Variants in SASH1 observed in about 807,000 individuals in gnomAD.
SASH1 encodes the protein SAM and SH3 domain containing 1.
A neutral mutation model predicts 125.2 loss-of-function variants in SASH1; 44 were observed. That is an observed-to-expected ratio of 0.35 (90% confidence interval 0.28 to 0.45). The LOEUF is 0.45. SASH1 is among the 20% of genes least tolerant of loss of function. The probability of loss-of-function intolerance (pLI) is 1.00; values close to 1 mark genes in which losing one functional copy is unlikely to be tolerated. For synonymous variants in SASH1, 639 were observed against 649.1 expected (o/e 0.98, Z 0.24); for missense variants, 1,426 against 1,614.5 (o/e 0.88, Z 2.00).
chr6:148,249,302 C>T, the SASH1 span, among the ~76,000 whole-genome samples: 1 of 152,084 alleles, frequency 6.6e-6, no homozygotes, highest in Non-Finnish European at 1.5e-5. Flanking sequence ...CCTGCAGAGA[C>T]TGTAGATGTG....
intron 6 of SASH1, 47 bp downstream of exon 6, chr6:148,471,550 T>G: frequency 8.8e-7 from 1 of 1,134,052 alleles, no homozygotes; most frequent in Non-Finnish European, 1.3e-6. Context: ...AGCTCTAACA[T>G]GGGAAGAATC....
At chr6:148,246,334 C>T in the SASH1 span, among the ~76,000 whole-genome samples, 1 of 152,140 alleles carries the variant, frequency 6.6e-6, no homozygotes, top group African/African-American at 2.4e-5. Context: ...TTGTTTCTTT[C>T]TCTCAACTTC....
chr6:148,364,747 A>T (rs1383525624), intron 1 of SASH1, among the ~76,000 whole-genome samples: 2 of 152,198 alleles, frequency 1.3e-5, no homozygotes, highest in Non-Finnish European at 2.9e-5. Flanking sequence ...TGACCATAGG[A>T]AACATTGCAA....
At chr6:148,255,280 C>T in the SASH1 span, among the ~76,000 whole-genome samples, 1 of 152,182 alleles carries the variant, frequency 6.6e-6, no homozygotes, top group African/African-American at 2.4e-5. Flanking sequence ...CTCTCCTTGG[C>T]TTGCAGACAG....
the SASH1 span, among the ~76,000 whole-genome samples, chr6:148,214,308 G>T: frequency 6.6e-6 from 1 of 152,124 alleles, no homozygotes; most frequent in Non-Finnish European, 1.5e-5. Flanking sequence ...CCCTCATTTC[G>T]CACATGTTAA....
chr6:148,336,798 T>TA (rs34803174), intron 1 of SASH1, among the ~76,000 whole-genome samples: 15,592 of 152,242 alleles, frequency 0.1, 1,039 homozygotes, highest in East Asian at 0.27. Flanking sequence ...CAGGCATTTG[T>TA]AAGAGTTAGC....
At chr6:148,215,102 C>A in the SASH1 span, among the ~76,000 whole-genome samples, 1 of 152,192 alleles carries the variant, frequency 6.6e-6, no homozygotes, top group South Asian at 2.1e-4. Context: ...CATGCTGTCA[C>A]TTGGCCCTGC....
At chr6:148,348,749 A>G (rs775423058) in intron 1 of SASH1, among the ~76,000 whole-genome samples, 9 of 152,228 alleles carry the variant, frequency 5.9e-5, no homozygotes, top group Non-Finnish European at 1.0e-4. Flanking sequence ...TCTTTCACAC[A>G]TCTTCTTCAG....
the SASH1 span, among the ~76,000 whole-genome samples, chr6:148,234,078 C>A: frequency 5.3e-5 from 8 of 151,866 alleles, no homozygotes; most frequent in Admixed American, 6.6e-5. Context: ...CACTCTGTAG[C>A]CCAGGCTGGA....
intron 8 of SASH1, chr6:148,508,512 AT>A (rs1221888035): frequency 3.9e-6 from 4 of 1,013,746 alleles, no homozygotes; most frequent in Non-Finnish European, 4.7e-6. Context: ...GAAAACAGGG[AT>A]TGTTGGCCAT....
chr6:148,207,302 C>A, the SASH1 span, among the ~76,000 whole-genome samples: 4 of 152,214 alleles, frequency 2.6e-5, no homozygotes, highest in South Asian at 4.1e-4. Context: ...GAACTAAATT[C>A]TTCCTTTTAT....
At position 148,514,473 on chromosome 6, in the gene SASH1, A is replaced by T; in HGVS notation, c.862+17A>T. 1 of 1,414,008 alleles carries T rather than the reference A, an allele frequency of 7.1e-7. No homozygotes were observed. The allele number at this position is 1,414,008 out of a possible 1,614,324, so 87.6% of individuals were successfully genotyped here. On this transcript the variant is annotated intron_variant, in intron 9 of 19. Transcript: ENST00000367467. Reference sequence around the variant, plus strand: ...GCACTGAAGGTAAAAAAAAAAAAAAAAAAAAAAAAAAAAGGCAGACTCCAC... The same window carrying T: ...GCACTGAAGGTAAAAAAAAAAAAAATAAAAAAAAAAAAAGGCAGACTCCAC...
intron 4 of SASH1, among the ~76,000 whole-genome samples, chr6:148,441,324 T>C (rs1583164729): frequency 6.6e-6 from 1 of 152,164 alleles, no homozygotes; most frequent in Non-Finnish European, 1.5e-5. Context: ...GCACAGGCGG[T>C]TCTGGGAGGA....
At chr6:148,385,779 A>C (rs1223522704) in intron 1 of SASH1, among the ~76,000 whole-genome samples, 1 of 152,176 alleles carries the variant, frequency 6.6e-6, no homozygotes, top group African/African-American at 2.4e-5. Flanking sequence ...GAGCATCTGG[A>C]AAGGGCACGG....
intron 9 of SASH1, 97 bp downstream of exon 9, chr6:148,514,553 A>AG (rs1554267594): frequency 3.8e-5 from 52 of 1,357,040 alleles, no homozygotes; most frequent in Non-Finnish European, 4.4e-5. Flanking sequence ...GAAAAGGGAT[A>AG]CGATTTCAAG....
chr6:148,260,323 TA>T, the SASH1 span, among the ~76,000 whole-genome samples: 1 of 152,194 alleles, frequency 6.6e-6, no homozygotes, highest in African/African-American at 2.4e-5. Flanking sequence ...AGATTATTTT[TA>T]AAGCTGGGTG....
chr6:148,225,263 A>G, the SASH1 span, among the ~76,000 whole-genome samples: 2 of 152,258 alleles, frequency 1.3e-5, no homozygotes, highest in Admixed American at 6.5e-5. Context: ...CACTTACAGA[A>G]GTAATTTATG....
chr6:148,299,528 A>T (rs2128512474), intron 1 of SASH1, among the ~76,000 whole-genome samples: 1 of 152,088 alleles, frequency 6.6e-6, no homozygotes, highest in Admixed American at 6.5e-5. Flanking sequence ...TTAGCCGGGC[A>T]TAGTGGTGCA....
intron 2 of SASH1, among the ~76,000 whole-genome samples, chr6:148,398,091 G>A (rs775058034): frequency 2.0e-5 from 3 of 152,020 alleles, no homozygotes; most frequent in Non-Finnish European, 2.9e-5. Context: ...TTTCATCCAA[G>A]GCCAAAAATG....
Sources: gnomAD v4.1 joint callset for allele counts (sites outside exome capture counted in the v4.1 genomes callset) on GRCh38, gnomAD v4.1.1 for gene constraint, MANE v1.5 for transcripts, NCBI Gene and HGNC (gene_info 2026-07-23, HGNC 2026-07-21) for gene names.